Variants in PEX6 observed in about 807,000 individuals in gnomAD.
PEX6 encodes the protein peroxisomal biogenesis factor 6.
In PEX6, 55 loss-of-function variants were observed where a neutral mutation model predicts 85.6. That is an observed-to-expected ratio of 0.64 (90% confidence interval 0.52 to 0.80). The LOEUF (loss-of-function observed/expected upper bound fraction) is 0.80, where lower values mean the gene tolerates loss of function less well. PEX6 is among the 30% of genes least tolerant of loss of function. PEX6 has a pLI of 0.00. For missense variants in PEX6, 1,099 were observed against 1,260.3 expected (o/e 0.87, Z 1.94); for synonymous variants, 519 against 549.1 (o/e 0.95, Z 0.77).
chr6:42,965,663 T>C lies in PEX6; in HGVS notation c.2471+18A>G. On this transcript the variant is annotated intron_variant, in intron 13 of 16. Transcript: ENST00000304611. This position sits in a 1 kb window ranked among gnomAD's most constrained non-coding sequence, Gnocchi z 5.0. ...CCACCCTGGACCCCTCAGCTTTCAT[T>C]CCCACTCAGACCCCTACCTGTCCAT... 1 of 1,574,752 alleles carries C rather than the reference T, an allele frequency of 6.4e-7. No homozygotes were observed. The highest frequency in any genetic ancestry group is 8.7e-7 in the Non-Finnish European group (1 of 1,144,188).
chr6:42,973,129 A>C (rs1770126114), intron 3 of PEX6, among the ~76,000 whole-genome samples: 1 of 152,242 alleles, frequency 6.6e-6, no homozygotes. Flanking sequence ...CTCCCGCCTC[A>C]GCCTCCTGAG....
rs375540675 is a variant in PEX6, at chr6:42,965,187, G to T, written c.2589-35C>A. Reference sequence around the variant, plus strand: ...GATAGGCAGGTATAAGTTTCAGGGAGCCCAGCCATGAGGGGTGAAGGAGGC... The same window carrying T: ...GATAGGCAGGTATAAGTTTCAGGGATCCCAGCCATGAGGGGTGAAGGAGGC... On this transcript the variant is annotated intron_variant, in intron 14 of 16. Coordinates refer to ENST00000304611, the MANE Select transcript of PEX6 (RefSeq NM_000287.4). The surrounding 1 kb of genome is among the most constrained non-coding windows in gnomAD (Gnocchi z 5.0). 1.9e-6 allele frequency: 3 copies of T among 1,611,100 alleles called. No homozygotes were observed. In the African/African-American group the frequency reaches 4.0e-5, roughly 22 times the overall value.
intron 3 of PEX6, among the ~76,000 whole-genome samples, chr6:42,970,818 T>G (rs1285788537): frequency 6.6e-6 from 1 of 152,114 alleles, no homozygotes; most frequent in Admixed American, 6.6e-5. Flanking sequence ...AGATCTGGGG[T>G]GGGGCTTAGG....
chr6:42,974,382 A>AT (rs1268165878), intron 2 of PEX6, among the ~76,000 whole-genome samples: 1 of 144,908 alleles, frequency 6.9e-6, no homozygotes, highest in African/African-American at 2.5e-5. Context: ...CATGGTTCAG[A>AT]TTTCTCTTCT....
At chr6:42,969,436 T>C (rs1012120525) in intron 5 of PEX6, among the ~76,000 whole-genome samples, 5 of 152,100 alleles carry the variant, frequency 3.3e-5, no homozygotes, top group African/African-American at 1.2e-4. Context: ...CTGCTGGAGA[T>C]TCTTCCTCCA....
chr6:42,966,979 T>TTG, intron 8 of PEX6, 121 bp from the exon 9 acceptor site: 2 of 791,064 alleles, frequency 2.5e-6, no homozygotes, highest in Admixed American at 4.4e-5. Context: ...TTTTTTTTTT[T>TTG]TTTTTTTTTT....
At chr6:42,977,336 T>C (rs1581776513) in intron 1 of PEX6, among the ~76,000 whole-genome samples, 1 of 141,590 alleles carries the variant, frequency 7.1e-6, no homozygotes, top group African/African-American at 2.7e-5. Context: ...CACTGCAACC[T>C]CCACCTCCCA....
At chr6:42,974,192 C>CCT in intron 2 of PEX6, 106 bp from the exon 3 acceptor site, 3 of 839,510 alleles carry the variant, frequency 3.6e-6, no homozygotes, top group Non-Finnish European at 6.1e-6. Context: ...GAGTCTACTG[C>CCT]CCGCCCAGAG....
chr6:42,967,637 C>T lies in PEX6; in HGVS notation c.1689-74G>A, dbSNP rs567489369. On this transcript the variant is annotated intron_variant, in intron 7 of 16. Coordinates refer to ENST00000304611, the MANE Select transcript of PEX6 (RefSeq NM_000287.4). Reference sequence around the variant, plus strand: ...CCTGTGGACTGCCTTGTCCCAAAGTCGGCACAGAAGGGCAGGGAAGTGAGG... The same window carrying T: ...CCTGTGGACTGCCTTGTCCCAAAGTTGGCACAGAAGGGCAGGGAAGTGAGG... 1,050 of 1,440,924 alleles carry T rather than the reference C, an allele frequency of 7.3e-4. 1 individual carries two copies. Among genetic ancestry groups the T allele is most frequent in the Non-Finnish European group, 6.4e-4 (673 of 1,055,458 alleles). 89.3% of individuals were successfully genotyped at this position (1,440,924 alleles called of 1,614,324 possible). A position where few individuals can be genotyped will look rare whatever the true frequency, so the allele number is the denominator to read the frequency against.
In PEX6 at chr6:42,964,827, T is replaced by TGA. The variant is rs1485925065; in HGVS notation, c.2768_2769insTC (p.Ala924GlnfsTer22). ...CATGAACCCTGCGTTTGAGGGCAGC[T>TGA]GTCATAGCATCAGAGCAGAGAGAGT... On this transcript the variant is annotated frameshift_variant, in exon 16 of 17. Coordinates refer to ENST00000304611, the MANE Select transcript of PEX6 (RefSeq NM_000287.4). LOFTEE classifies it high-confidence loss of function. The surrounding 1 kb of genome is among the most constrained non-coding windows in gnomAD (Gnocchi z 4.6). 1.2e-6 allele frequency: 2 copies of TGA among 1,614,008 alleles called. No homozygotes were observed. The highest frequency in any genetic ancestry group is 1.7e-6 in the Non-Finnish European group (2 of 1,180,030).
chr6:42,978,989 C>T lies in PEX6; in HGVS notation c.162G>A (p.Val54=). The T allele has an allele frequency of 6.6e-7, 1 of 1,512,420 alleles. No homozygotes were observed. Among genetic ancestry groups the T allele is most frequent in the Non-Finnish European group, 8.8e-7 (1 of 1,137,702 alleles). 93.7% of individuals were successfully genotyped at this position (1,512,420 alleles called of 1,614,324 possible). ...CCGCGTCCGGCCCCTCCAGGGCTGC[C>T]ACCAGCAGCGCCGGCCCTGCCGGGC... ...GESPAGPALL[V]AALEGPDAGT... is the part of the protein sequence containing the mutation. Residue 54 remains valine (V), a synonymous_variant, in exon 1 of 17, where the codon GTG becomes GTA. Coordinates refer to ENST00000304611, the MANE Select transcript of PEX6 (RefSeq NM_000287.4).
rs769930450 is a variant in PEX6, at chr6:42,969,736, C to G, written c.1299G>C (p.Leu433Phe). 1 of 1,613,722 alleles carries G rather than the reference C, an allele frequency of 6.2e-7. No individual in the cohort carries two copies. The highest frequency in any genetic ancestry group is 1.7e-5 in the Admixed American group (1 of 60,030). Residue 433 changes from leucine to phenylalanine, a missense_variant, in exon 5 of 17, where the codon TTG (leucine) becomes TTC (phenylalanine). Leu to Phe is a conservative substitution (Grantham distance 22). This residue lies in a region of PEX6 where 579 missense variants were observed against 611.6 expected (regional missense o/e 0.95). Coordinates refer to ENST00000304611, the MANE Select transcript of PEX6 (RefSeq NM_000287.4). Reference sequence around the variant, plus strand: ...CCAAGGCCTCCAGGCCTGGAGGAGACAAACTGCTCCAGAGAGTGGATTCCT... The same window carrying G: ...CCAAGGCCTCCAGGCCTGGAGGAGAGAAACTGCTCCAGAGAGTGGATTCCT... ...PSEESTLWSS[L>F]SPPGLEALVS...
chr6:42,974,028 C>G lies in PEX6; in HGVS notation c.1105G>C (p.Glu369Gln). The change falls in exon 3 of 17, where the codon GAA (glutamate) becomes CAA (glutamine). Residue 369 changes from glutamate (E) to glutamine (Q), a missense_variant. Coordinates refer to ENST00000304611, the MANE Select transcript of PEX6 (RefSeq NM_000287.4). ...VPTIGQVEIL[E>Q]GSPEKLPRWR... ...CTGGGCAGTTTCTCTGGACTTCCTT[C>G]CAGGATCTCTACTTGCCCAATTGTT... 1 of 1,614,016 alleles carries G rather than the reference C, an allele frequency of 6.2e-7. No homozygotes were observed. The highest frequency in any genetic ancestry group is 8.5e-7 in the Non-Finnish European group (1 of 1,179,866).
rs1432353234 is a variant in PEX6 at position 42,966,618 on chromosome 6, C to T, written c.2001G>A (p.Leu667=). ...GGLTEEDEGE[L]CAAGFPLLAE... ...CCAGGAGAGGAAAGCCGGCAGCACACAGCTCCCCCTCATCCTCCTCAGTCA... is the reference window on the plus strand; with the variant it reads ...CCAGGAGAGGAAAGCCGGCAGCACATAGCTCCCCCTCATCCTCCTCAGTCA... The change falls in exon 10 of 17, where the codon CTG becomes CTA. Residue 667 remains leucine, a synonymous_variant. Coordinates refer to ENST00000304611, the MANE Select transcript of PEX6 (RefSeq NM_000287.4). The T allele has an allele frequency of 1.2e-6, 2 of 1,614,094 alleles. No individual in the cohort carries two copies. Among genetic ancestry groups the T allele is most frequent in the Admixed American group, 1.7e-5 (1 of 59,998 alleles).
In PEX6 at chr6:42,966,434, G is replaced by A. The variant is rs1390565278; in HGVS notation, c.2108C>T (p.Ser703Phe). 2.9e-5 allele frequency: 47 copies of A among 1,614,034 alleles called. No homozygotes were observed. Among genetic ancestry groups the A allele is most frequent in the Middle Eastern group, 3.3e-4 (2 of 6,084 alleles). ...AVGAPKIPSVSWHDVGGLQEV... is the reference protein window; with the variant it reads ...AVGAPKIPSVFWHDVGGLQEV... ...CTGCAGCCCACCCACATCATGCCAGGACACTGAGGGGATCTAGGAGATGGA... is the reference window on the plus strand; with the variant it reads ...CTGCAGCCCACCCACATCATGCCAGAACACTGAGGGGATCTAGGAGATGGA... The change falls in exon 11 of 17, where the codon TCC becomes TTC. Residue 703 changes from serine to phenylalanine, a missense_variant. Ser to Phe is a radical substitution (Grantham distance 155). Around this residue, in one of 3 missense-constraint regions of PEX6, gnomAD observed 514 missense variants for 627.0 expected, o/e 0.82. Coordinates refer to ENST00000304611, the MANE Select transcript of PEX6 (RefSeq NM_000287.4).
intron 2 of PEX6, 95 bp from the exon 3 acceptor site, chr6:42,974,181 T>A: frequency 1.1e-6 from 1 of 911,224 alleles, no homozygotes; most frequent in Non-Finnish European, 1.8e-6. Context: ...GACTACTTCT[T>A]GAGTCTACTG....
At chr6:42,973,695 A>G (rs1156539440) in intron 3 of PEX6, among the ~76,000 whole-genome samples, 1 of 152,180 alleles carries the variant, frequency 6.6e-6, no homozygotes, top group East Asian at 1.9e-4. Flanking sequence ...TCTACTAAAA[A>G]TACAAAAACC....
intron 3 of PEX6, 48 bp downstream of exon 3, chr6:42,973,955 G>T: frequency 7.9e-7 from 1 of 1,261,504 alleles, no homozygotes; most frequent in Non-Finnish European, 1.2e-6. Flanking sequence ...TAGAACTCAT[G>T]CACCCAGGTT....
In PEX6 at chr6:42,978,276, C is replaced by G; in HGVS notation, c.875G>C (p.Arg292Thr). 1.2e-6 allele frequency: 2 copies of G among 1,614,228 alleles called. No homozygotes were observed. ...CCCAGTCCTTTATCCTACCTGAATTCTGAGCTCTCCCATTTCCAGGGGGTC... is the reference window on the plus strand; with the variant it reads ...CCCAGTCCTTTATCCTACCTGAATTGTGAGCTCTCCCATTTCCAGGGGGTC... ...GCDPLEMGELRIQRYLEGSIA... is the reference protein window; with the variant it reads ...GCDPLEMGELTIQRYLEGSIA... Residue 292 changes from arginine (R) to threonine (T), a missense_variant, in exon 1 of 17, where the codon AGA (arginine) becomes ACA (threonine). This residue lies in a region of PEX6 where 579 missense variants were observed against 611.6 expected (regional missense o/e 0.95). Transcript: ENST00000304611.
Sources: gnomAD v4.1 joint callset for allele counts (sites outside exome capture counted in the v4.1 genomes callset) on GRCh38, gnomAD v4.1.1 for gene constraint, gnomAD v4.1.1 regional missense constraint, Gnocchi (gnomAD v3.1) non-coding constraint, MANE v1.5 for transcripts, NCBI Gene and HGNC (gene_info 2026-07-23, HGNC 2026-07-21) for gene names.